The following SLC4A10 variants were observed in gnomAD, a reference collection of about 807,000 sequenced individuals.
SLC4A10 encodes the protein solute carrier family 4 member 10.
In SLC4A10, 42 loss-of-function variants were observed where a neutral mutation model predicts 137.7. The ratio of observed to expected loss-of-function variants is 0.30; its 90% CI spans 0.24 to 0.39. The LOEUF is 0.39. Among genes scored for constraint, SLC4A10 ranks in the 10% least tolerant of loss-of-function variants. SLC4A10 has a pLI of 1.00. For synonymous variants in SLC4A10, 474 were observed against 464.1 expected, an observed-to-expected ratio of 1.02 and a Z score of -0.27; for missense variants, 925 against 1,355.0, an observed-to-expected ratio of 0.68 and a Z score of 4.98.
intron 3 of SLC4A10, among the ~76,000 whole-genome samples, chr2:161,828,806 A>ATATATATG (rs2058220575): frequency 3.3e-5 from 4 of 120,172 alleles, no homozygotes; most frequent in Admixed American, 9.0e-5. Context: ...ATATATATAT[A>ATATATATG]TATGTATAAT....
At position 161,853,874 on chromosome 2, in the gene SLC4A10, T is replaced by C. The variant is rs571961347; in HGVS notation, c.417-1096T>C. 2.0e-5 allele frequency among the ~76,000 whole-genome samples: 3 copies of C among 152,312 alleles called. No homozygotes were observed. In the South Asian group the frequency reaches 6.2e-4, roughly 32 times the overall value. On this transcript the variant is annotated intron_variant, in intron 4 of 26. Coordinates refer to ENST00000446997, the MANE Select transcript of SLC4A10 (RefSeq NM_001178015.2). ...AAAAACAGATCCATAGCTTTCCTGATCTCTCTTACTACTCTGCACATTAAT... is the reference window on the plus strand; with the variant it reads ...AAAAACAGATCCATAGCTTTCCTGACCTCTCTTACTACTCTGCACATTAAT...
chr2:161,842,813 C>T (rs2059265974), intron 4 of SLC4A10, among the ~76,000 whole-genome samples: 1 of 152,050 alleles, frequency 6.6e-6, no homozygotes, highest in Non-Finnish European at 1.5e-5. Flanking sequence ...AATATAAGAT[C>T]ATTTTTTCCA....
chr2:161,717,241 A>G (rs1350434680), intron 1 of SLC4A10, among the ~76,000 whole-genome samples: 3 of 152,184 alleles, frequency 2.0e-5, no homozygotes, highest in African/African-American at 7.2e-5. Context: ...TGTCATGGGC[A>G]AAGACAATTT....
intron 1 of SLC4A10, among the ~76,000 whole-genome samples, chr2:161,742,565 T>C (rs533918028): frequency 2.7e-5 from 4 of 150,520 alleles, no homozygotes; most frequent in Admixed American, 6.6e-5. Flanking sequence ...CTCAGCCTCC[T>C]GGGTAGCTGA....
Position 161,851,999 on chromosome 2 carries a change from G to T in SLC4A10, c.417-2971G>T, listed in dbSNP as rs572170768. On this transcript the variant is annotated intron_variant, in intron 4 of 26. Coordinates refer to ENST00000446997, the MANE Select transcript of SLC4A10 (RefSeq NM_001178015.2). Reference sequence around the variant, plus strand: ...CGATCTCCTGGGCTCAAGCAATCCTGCCATCTTAGCCTTCTGAGCAGCTGG... The same window carrying T: ...CGATCTCCTGGGCTCAAGCAATCCTTCCATCTTAGCCTTCTGAGCAGCTGG... Among the ~76,000 whole-genome samples the T allele has an allele frequency of 7.9e-5, 12 of 152,174 alleles. No homozygotes were observed. In the South Asian group the frequency reaches 2.5e-3, roughly 32 times the overall value.
chr2:161,767,215 CACAT>C (rs2050988936), intron 1 of SLC4A10, among the ~76,000 whole-genome samples: 1 of 90,036 alleles, frequency 1.1e-5, no homozygotes, highest in African/African-American at 4.8e-5. Context: ...TATATATATA[CACAT>C]ATATATATAT....
chr2:161,979,851 G>A (rs999327425), intron 26 of SLC4A10, among the ~76,000 whole-genome samples: 3 of 152,134 alleles, frequency 2.0e-5, no homozygotes, highest in African/African-American at 7.2e-5. Context: ...TGTCAGAGAA[G>A]CCTAGAAACC....
At chr2:161,687,451 A>G (rs1198016618) in intron 1 of SLC4A10, among the ~76,000 whole-genome samples, 1 of 152,194 alleles carries the variant, frequency 6.6e-6, no homozygotes, top group African/African-American at 2.4e-5. Flanking sequence ...TGGATTTATA[A>G]AATAGAACAA....
At chr2:161,857,472 A>T (rs2060169598) in intron 5 of SLC4A10, among the ~76,000 whole-genome samples, 1 of 152,164 alleles carries the variant, frequency 6.6e-6, no homozygotes, top group Non-Finnish European at 1.5e-5. Context: ...ATGATTACAA[A>T]TATTTGTGTT....
At chr2:161,903,380 A>C (rs1683569185) in intron 12 of SLC4A10, among the ~76,000 whole-genome samples, 1 of 152,196 alleles carries the variant, frequency 6.6e-6, no homozygotes, top group South Asian at 2.1e-4. Flanking sequence ...TAAAAATGAA[A>C]ACAGCTCTGA....
At position 161,984,557 on chromosome 2, in the gene SLC4A10, A is replaced by C. The variant is rs1700605379; in HGVS notation, c.*1405A>C. 1 of 152,166 alleles carries C rather than the reference A, an allele frequency of 6.6e-6. No homozygotes were observed. The highest frequency in any genetic ancestry group is 6.5e-5 in the Admixed American group (1 of 15,276). The allele number at this position is 152,166 out of a possible 1,614,324, so 9.4% of individuals were successfully genotyped here. On this transcript the variant is annotated 3_prime_UTR_variant, in exon 27 of 27. Transcript: ENST00000446997. ...ATTATGTACTCTGTTGGAAGTGCAC[A>C]TGAAAAGTGAAGAAAAGTTCCTCTT...
chr2:161,861,516 A>G (rs1381051760), intron 5 of SLC4A10, among the ~76,000 whole-genome samples: 3 of 152,144 alleles, frequency 2.0e-5, no homozygotes, highest in African/African-American at 7.2e-5. Context: ...AGCCAATAAA[A>G]TTGTTTTATG....
intron 3 of SLC4A10, among the ~76,000 whole-genome samples, chr2:161,808,104 A>G (rs2125619857): frequency 6.6e-6 from 1 of 152,212 alleles, no homozygotes; most frequent in Middle Eastern, 3.4e-3. Context: ...ACACACATAT[A>G]TGCCTTTTAT....
intron 19 of SLC4A10, among the ~76,000 whole-genome samples, chr2:161,951,905 T>C (rs1371296527): frequency 2.0e-5 from 3 of 152,154 alleles, no homozygotes; most frequent in African/African-American, 7.2e-5. Context: ...AGAGAATGTG[T>C]GTCTATCTTA....
intron 10 of SLC4A10, among the ~76,000 whole-genome samples, chr2:161,893,725 AG>A (rs990811278): frequency 6.6e-6 from 1 of 151,754 alleles, no homozygotes; most frequent in South Asian, 2.1e-4. Context: ...AAAATATTCG[AG>A]GGGGGGACAA....
intron 23 of SLC4A10, among the ~76,000 whole-genome samples, chr2:161,972,045 T>C (rs536150533): frequency 3.3e-5 from 5 of 152,346 alleles, no homozygotes; most frequent in African/African-American, 1.2e-4. Context: ...ACCTAAGCAC[T>C]GACGGCACTG....
chr2:161,705,765 T>C (rs574930100), intron 1 of SLC4A10, among the ~76,000 whole-genome samples: 2 of 151,628 alleles, frequency 1.3e-5, no homozygotes, highest in Admixed American at 6.6e-5. Flanking sequence ...TAAATATTTG[T>C]TGTTGTGGCA....
intron 1 of SLC4A10, among the ~76,000 whole-genome samples, chr2:161,735,961 T>G (rs1410887360): frequency 1.3e-5 from 2 of 152,182 alleles, no homozygotes; most frequent in Non-Finnish European, 2.9e-5. Context: ...GCAGACAAAA[T>G]GTCTGAATTA....
At chr2:161,899,733 G>A (rs2063900321) in intron 11 of SLC4A10, among the ~76,000 whole-genome samples, 1 of 151,986 alleles carries the variant, frequency 6.6e-6, no homozygotes, top group African/African-American at 2.4e-5. Context: ...TTGGGAAGTA[G>A]GTATTGAGGG....
Sources: allele counts gnomAD v4.1 joint callset (sites outside exome capture counted in the v4.1 genomes callset), GRCh38; gene constraint gnomAD v4.1.1; transcripts MANE v1.5; gene names NCBI Gene and HGNC (gene_info 2026-07-23, HGNC 2026-07-21).